Variants in PHACTR4 observed in about 807,000 individuals in gnomAD.
The protein encoded by PHACTR4 is phosphatase and actin regulator 4.
PHACTR4 carries 51 observed loss-of-function variants against 72.7 expected under a neutral mutation model. That is an observed-to-expected ratio of 0.70 (90% CI 0.56 to 0.89). The LOEUF is 0.89. Among genes scored for constraint, PHACTR4 ranks in the 40% least tolerant of loss-of-function variants. The pLI is 0.00. For synonymous variants in PHACTR4, 255 were observed against 302.5 expected, an observed-to-expected ratio of 0.84 and a Z score of 1.63; for missense variants, 731 against 861.8, an observed-to-expected ratio of 0.85 and a Z score of 1.90.
intron 1 of PHACTR4, among the ~76,000 whole-genome samples, chr1:28,372,741 A>G (rs1651338887): frequency 6.6e-6 from 1 of 151,562 alleles, no homozygotes; most frequent in Non-Finnish European, 1.5e-5. Context: ...AATCCCAGCT[A>G]CTTGGGAGGC....
At chr1:28,401,845 C>T (rs1039566987) in intron 1 of PHACTR4, among the ~76,000 whole-genome samples, 3 of 152,112 alleles carry the variant, frequency 2.0e-5, no homozygotes, top group African/African-American at 7.2e-5. Context: ...GTGATCCTAC[C>T]ACTTCAGTAT....
chr1:28,461,131 C>A (rs1658774906), intron 4 of PHACTR4, among the ~76,000 whole-genome samples: 1 of 151,934 alleles, frequency 6.6e-6, no homozygotes, highest in Non-Finnish European at 1.5e-5. Context: ...TTGCATGAGG[C>A]AAAATCTGAA....
At chr1:28,395,907 C>T (rs1479580759) in intron 1 of PHACTR4, among the ~76,000 whole-genome samples, 4 of 137,566 alleles carry the variant, frequency 2.9e-5, no homozygotes, top group African/African-American at 5.9e-5. Flanking sequence ...GTGATCCGCC[C>T]GCCTCGTCGG....
intron 4 of PHACTR4, among the ~76,000 whole-genome samples, chr1:28,464,344 C>G (rs111516095): frequency 1.1e-4 from 16 of 152,326 alleles, no homozygotes; most frequent in African/African-American, 3.6e-4. Context: ...CGTTGAATAA[C>G]TTCACACCTT....
intron 1 of PHACTR4, among the ~76,000 whole-genome samples, chr1:28,378,710 G>A (rs1196597286): frequency 6.6e-6 from 1 of 151,698 alleles, no homozygotes. Flanking sequence ...GCAGCCAGCA[G>A]AGAGGCAGAT....
intron 1 of PHACTR4, among the ~76,000 whole-genome samples, chr1:28,378,654 A>C (rs1293003545): frequency 9.1e-6 from 1 of 109,716 alleles, no homozygotes; most frequent in Non-Finnish European, 1.7e-5. Context: ...TTTTGTTTTG[A>C]TTTTAAGGAT....
At chr1:28,402,019 C>T (rs1239650442) in intron 1 of PHACTR4, among the ~76,000 whole-genome samples, 3 of 152,092 alleles carry the variant, frequency 2.0e-5, no homozygotes, top group African/African-American at 7.2e-5. Context: ...ATGGTGATAG[C>T]TTAGACTAGA....
At chr1:28,387,493 A>G (rs977920135) in intron 1 of PHACTR4, among the ~76,000 whole-genome samples, 4 of 152,156 alleles carry the variant, frequency 2.6e-5, no homozygotes, top group Non-Finnish European at 4.4e-5. Flanking sequence ...TTTTACTTGC[A>G]CATACCCAAT....
chr1:28,458,803 G>A (rs1228414154), intron 2 of PHACTR4, among the ~76,000 whole-genome samples: 1 of 152,124 alleles, frequency 6.6e-6, no homozygotes, highest in Non-Finnish European at 1.5e-5. Context: ...TTGTATACAT[G>A]CGCCTTTAAA....
chr1:28,394,576 C>A (rs897408487), intron 1 of PHACTR4, among the ~76,000 whole-genome samples: 5 of 151,466 alleles, frequency 3.3e-5, no homozygotes, highest in Non-Finnish European at 7.4e-5. Flanking sequence ...CAGGTGTGAG[C>A]CACCTCTCCT....
At chr1:28,454,485 C>T (rs967820788) in intron 2 of PHACTR4, among the ~76,000 whole-genome samples, 2 of 151,808 alleles carry the variant, frequency 1.3e-5, no homozygotes, top group African/African-American at 4.8e-5. Flanking sequence ...ACCATGGTCT[C>T]GATCTCCTGA....
At chr1:28,439,479 G>A (rs1006936160) in intron 2 of PHACTR4, among the ~76,000 whole-genome samples, 1 of 152,098 alleles carries the variant, frequency 6.6e-6, no homozygotes, top group African/African-American at 2.4e-5. Context: ...TTGAAACTGA[G>A]GCACATGGAT....
At chr1:28,432,933 A>G in intron 2 of PHACTR4, 1 of 186,428 alleles carries the variant, frequency 5.4e-6, no homozygotes, top group Non-Finnish European at 9.8e-6. Flanking sequence ...TTTTGTAGAG[A>G]TGGGGTTTTA....
chr1:28,411,358 A>G (rs1654778653), intron 2 of PHACTR4, among the ~76,000 whole-genome samples: 1 of 152,172 alleles, frequency 6.6e-6, no homozygotes, highest in Non-Finnish European at 1.5e-5. Flanking sequence ...TTTTTTCTAA[A>G]CACTTATTTA....
chr1:28,416,484 A>G (rs1655113748), intron 2 of PHACTR4, among the ~76,000 whole-genome samples: 1 of 152,200 alleles, frequency 6.6e-6, no homozygotes, highest in African/African-American at 2.4e-5. Flanking sequence ...TGAATAACAG[A>G]TATTATGTAA....
At chr1:28,435,394 A>G (rs1656567722) in intron 2 of PHACTR4, among the ~76,000 whole-genome samples, 1 of 152,276 alleles carries the variant, frequency 6.6e-6, no homozygotes, top group East Asian at 1.9e-4. Context: ...CCTCCTGAGT[A>G]TCTGAGATTA....
At chr1:28,417,084 T>C (rs1310662381) in intron 2 of PHACTR4, among the ~76,000 whole-genome samples, 1 of 151,666 alleles carries the variant, frequency 6.6e-6, no homozygotes, top group African/African-American at 2.4e-5. Context: ...CCCCCTGAAA[T>C]GGGTAATTTT....
rs551979648 is a variant in PHACTR4, at chr1:28,482,099, T to C, written c.1760+1495T>C. ...TTTTAGTAAAGATGGGGTTTCACCA[T>C]GTTGGCCAGGCTGGTCTCGATCTCC... On this transcript the variant is annotated intron_variant, in intron 9 of 13. Transcript: ENST00000373839. Among the ~76,000 whole-genome samples the C allele has an allele frequency of 3.2e-4, 48 of 152,086 alleles. 1 individual carries two copies. The highest frequency in any genetic ancestry group is 1.6e-4 in the Non-Finnish European group (11 of 67,976).
chr1:28,433,461 T>C (rs1222230192), intron 2 of PHACTR4, among the ~76,000 whole-genome samples: 1 of 132,940 alleles, frequency 7.5e-6, no homozygotes, highest in Non-Finnish European at 1.6e-5. Context: ...TTTCTTTTTT[T>C]CTTTTTTTTT....
Sources: gnomAD v4.1 joint callset for allele counts (sites outside exome capture counted in the v4.1 genomes callset) on GRCh38, gnomAD v4.1.1 for gene constraint, MANE v1.5 for transcripts, NCBI Gene and HGNC (gene_info 2026-07-23, HGNC 2026-07-21) for gene names.